The following TIAM2 variants were observed in gnomAD, a reference collection of about 807,000 sequenced individuals.
TIAM2 encodes rho guanine nucleotide exchange factor TIAM2.
In TIAM2, 80 loss-of-function variants were observed where a neutral mutation model predicts 152.9. The ratio of observed to expected loss-of-function variants is 0.52; its 90% CI spans 0.44 to 0.63. The LOEUF (loss-of-function observed/expected upper bound fraction) is 0.63. Ranked by LOEUF, TIAM2 falls within the 30% of genes least tolerant of loss-of-function variation. The pLI is 0.00. For missense variants in TIAM2, 1,965 were observed against 2,120.1 expected (o/e 0.93, Z 1.44); for synonymous variants, 804 against 838.0 (o/e 0.96, Z 0.70).
At chr6:155,072,320 C>T (rs867551948) in intron 1 of TIAM2, among the ~76,000 whole-genome samples, 6 of 152,128 alleles carry the variant, frequency 3.9e-5, no homozygotes, top group South Asian at 2.1e-4. Context: ...AGGAAACAAC[C>T]GAGGCATCGG....
intron 4 of TIAM2, among the ~76,000 whole-genome samples, chr6:155,132,982 A>T (rs1345770425): frequency 1.3e-5 from 2 of 152,108 alleles, no homozygotes; most frequent in African/African-American, 4.8e-5. Context: ...TGCGTCTCCT[A>T]CCCACGGGAA....
rs1233400827 is a variant in TIAM2 at position 155,257,068 on chromosome 6, T to C, written c.5053T>C (p.Ser1685Pro). ...AGAATTCAGTGTCCAGAGTTTAACA[T>C]CTGTTGTCAGTGAGGAGTGTTTTTA... ...EREFSVQSLT[S>P]VVSEECFYET... is the part of the protein sequence containing the mutation. Residue 1685 changes from serine to proline, a missense_variant, in exon 27 of 27, where the codon TCT becomes CCT. Coordinates refer to ENST00000682666, the MANE Select transcript of TIAM2 (RefSeq NM_012454.4). 6.2e-7 allele frequency: 1 copy of C among 1,613,954 alleles called. No individual in the cohort carries two copies. Among genetic ancestry groups the C allele is most frequent in the Non-Finnish European group, 8.5e-7 (1 of 1,180,016 alleles).
chr6:155,053,669 C>T (rs910270276), intron 1 of TIAM2, among the ~76,000 whole-genome samples: 2 of 151,950 alleles, frequency 1.3e-5, no homozygotes, highest in Non-Finnish European at 2.9e-5. Flanking sequence ...CGGAGTTTTG[C>T]CATGTTGGCC....
rs574561704 is a variant in TIAM2 at position 155,123,079 on chromosome 6, A to G, written c.-117-4411A>G. Among the ~76,000 whole-genome samples the G allele has an allele frequency of 1.5e-4, 23 of 152,252 alleles. No homozygotes were observed. In the East Asian group the frequency reaches 3.7e-3, roughly 24 times the overall value. ...AGAAAAATATCTGTTCAATTTGTCAAATTCCTCAGGGACAATAATTACTTA... is the reference window on the plus strand; with the variant it reads ...AGAAAAATATCTGTTCAATTTGTCAGATTCCTCAGGGACAATAATTACTTA... On this transcript the variant is annotated intron_variant, in intron 2 of 26. Transcript: ENST00000682666.
intron 5 of TIAM2, among the ~76,000 whole-genome samples, chr6:155,140,577 A>ATT (rs1779673852): frequency 1.0e-5 from 1 of 100,194 alleles, no homozygotes; most frequent in Non-Finnish European, 1.8e-5. Flanking sequence ...TGTGTGTGAG[A>ATT]GAGAGAGAGA....
chr6:155,232,965 A>G (rs1252084263), intron 15 of TIAM2: 1 of 152,116 alleles, frequency 6.6e-6, no homozygotes, highest in Non-Finnish European at 1.5e-5. Flanking sequence ...CTTTTTTCTT[A>G]GACTGAAAGT....
In TIAM2 at chr6:155,038,930, G is replaced by A. The variant is rs565970428; in HGVS notation, c.-209+43438G>A. On this transcript the variant is annotated intron_variant, in intron 1 of 26. Transcript: ENST00000682666. ...CCACTGCACTCCAGCCTGGGTGACG[G>A]AGCGAGAGCCTGTGAGCATGTCCTT... Among the ~76,000 whole-genome samples the A allele has an allele frequency of 3.7e-3, 563 of 150,818 alleles. 4 individuals carry two copies. Among genetic ancestry groups the A allele is most frequent in the African/African-American group, 0.013 (533 of 41,018 alleles).
chr6:155,106,973 G>A (rs1297628403), intron 2 of TIAM2, among the ~76,000 whole-genome samples: 1 of 152,194 alleles, frequency 6.6e-6, no homozygotes, highest in Non-Finnish European at 1.5e-5. Context: ...AATATATCCA[G>A]CATTGCACAG....
chr6:155,244,532 G>C, intron 17 of TIAM2, 126 bp from the exon 18 acceptor site: 1 of 1,191,066 alleles, frequency 8.4e-7, no homozygotes, highest in South Asian at 1.6e-5. Flanking sequence ...TCTTCTTAAA[G>C]GATTTACTTT....
chr6:155,132,014 T>TCATGG (rs772915564), intron 4 of TIAM2, among the ~76,000 whole-genome samples: 6 of 151,928 alleles, frequency 3.9e-5, no homozygotes, highest in Admixed American at 6.6e-5. Context: ...TACTTCTGTA[T>TCATGG]CATGGCATGT....
chr6:155,165,228 C>A, intron 8 of TIAM2, 35 bp from the exon 9 acceptor site: 1 of 1,582,328 alleles, frequency 6.3e-7, no homozygotes, highest in Non-Finnish European at 8.6e-7. Flanking sequence ...AAATACTAAG[C>A]CTTTAGATTT....
intron 9 of TIAM2, chr6:155,168,802 T>G (rs1324632989): frequency 9.4e-6 from 14 of 1,490,546 alleles, no homozygotes; most frequent in Non-Finnish European, 1.3e-5. Context: ...AGATGAATAT[T>G]ACAGGGCCAT....
intron 1 of TIAM2, among the ~76,000 whole-genome samples, chr6:155,000,107 G>A (rs1007591555): frequency 1.3e-5 from 2 of 152,224 alleles, no homozygotes; most frequent in African/African-American, 4.8e-5. Context: ...TACTTGGCCT[G>A]TGCATACATC....
At position 155,129,169 on chromosome 6, in the gene TIAM2, G is replaced by C. The variant is rs1779372038; in HGVS notation, c.-6-49G>C. On this transcript the variant is annotated intron_variant, in intron 3 of 26. Transcript: ENST00000682666. The surrounding 1 kb of genome is among the most constrained non-coding windows in gnomAD (Gnocchi z 4.8). ...CTTTTTAGAAAGTTCTGTCATAATG[G>C]AATGTAATTTAGGCCACGGTCTTAC... 6.5e-7 allele frequency: 1 copy of C among 1,533,996 alleles called. No individual in the cohort carries two copies. Among genetic ancestry groups the C allele is most frequent in the Non-Finnish European group, 8.9e-7 (1 of 1,120,544 alleles).
chr6:155,137,071 G>A (rs1562328361), intron 4 of TIAM2, 106 bp from the exon 5 acceptor site: 1 of 1,199,298 alleles, frequency 8.3e-7, no homozygotes, highest in South Asian at 1.6e-5. Flanking sequence ...ATCTTGCTTT[G>A]CATTACATTA....
chr6:155,036,475 A>G (rs1776923124), intron 1 of TIAM2, among the ~76,000 whole-genome samples: 2 of 149,580 alleles, frequency 1.3e-5, no homozygotes, highest in Admixed American at 1.3e-4. Context: ...TGGAGGTTTC[A>G]GTGAGCCAAG....
At chr6:155,141,941 T>G (rs571434160) in intron 5 of TIAM2, among the ~76,000 whole-genome samples, 6 of 152,312 alleles carry the variant, frequency 3.9e-5, no homozygotes, top group African/African-American at 1.4e-4. Context: ...CCAATCTGTT[T>G]TCTCTTTCTG....
At chr6:155,216,233 T>G (rs983536184) in intron 15 of TIAM2, among the ~76,000 whole-genome samples, 2 of 152,076 alleles carry the variant, frequency 1.3e-5, no homozygotes, top group Admixed American at 6.5e-5. Context: ...GGTGGTCTCT[T>G]CTCAGGGAGA....
intron 24 of TIAM2, chr6:155,253,412 A>G (rs1455065168): frequency 4.3e-6 from 1 of 234,482 alleles, no homozygotes; most frequent in Non-Finnish European, 8.3e-6. Context: ...AAGGTTAGGT[A>G]GTACTGTAGG....
Sources: gnomAD v4.1 joint callset for allele counts (sites outside exome capture counted in the v4.1 genomes callset) on GRCh38, gnomAD v4.1.1 for gene constraint, Gnocchi (gnomAD v3.1) non-coding constraint, MANE v1.5 for transcripts, NCBI Gene and HGNC (gene_info 2026-07-23, HGNC 2026-07-21) for gene names.